GALK2: variants seen among roughly 807,000 people sequenced by gnomAD.
GALK2 encodes the protein galactokinase 2.
GALK2 carries 36 observed loss-of-function variants against 52.4 expected under a neutral mutation model. The ratio of observed to expected loss-of-function variants is 0.69; its 90% CI spans 0.53 to 0.91. The LOEUF is 0.91. Among genes scored for constraint, GALK2 ranks in the 40% least tolerant of loss-of-function variants. GALK2 has a pLI of 0.00. For missense variants in GALK2, 579 were observed against 559.1 expected (o/e 1.04, Z -0.36); for synonymous variants, 176 against 199.1 (o/e 0.88, Z 0.98).
intron 3 of GALK2, among the ~76,000 whole-genome samples, chr15:49,222,823 T>C (rs1400631232): frequency 6.6e-6 from 1 of 152,246 alleles, no homozygotes; most frequent in Non-Finnish European, 1.5e-5. Context: ...TTTACATATA[T>C]GTAAATAGGG....
chr15:49,334,018 C>G (rs1481152311), downstream of GALK2, among the ~76,000 whole-genome samples: 2 of 152,084 alleles, frequency 1.3e-5, no homozygotes, highest in Admixed American at 1.3e-4. Context: ...AGCTTAAGTC[C>G]TATGGCTGGA....
chr15:49,329,131 A>G lies in GALK2; in HGVS notation c.*972A>G. 1.0e-6 allele frequency: 1 copy of G among 991,294 alleles called. No homozygotes were observed. Among genetic ancestry groups the G allele is most frequent in the Non-Finnish European group, 1.2e-6 (1 of 833,308 alleles). 61.4% of individuals were successfully genotyped at this position (991,294 alleles called of 1,614,324 possible). A position where few individuals can be genotyped will look rare whatever the true frequency, so the allele number is the denominator to read the frequency against. On this transcript the variant is annotated 3_prime_UTR_variant, in exon 10 of 10. Coordinates refer to ENST00000560031, the MANE Select transcript of GALK2 (RefSeq NM_002044.4). The stretch of plus-strand genomic sequence containing the variant: ...CTTGTCTAGCAAAGCTTGTTTGTAT[A>G]TATGCACCCCATTGTAAAGCAGGTA...
At chr15:49,159,122 T>C (rs1285419468) in intron 1 of GALK2, among the ~76,000 whole-genome samples, 2 of 152,202 alleles carry the variant, frequency 1.3e-5, no homozygotes, top group African/African-American at 2.4e-5. Context: ...TCTTAAAATA[T>C]ATTCCTAATA....
intron 5 of GALK2, among the ~76,000 whole-genome samples, chr15:49,266,873 A>G (rs1372825072): frequency 1.3e-5 from 2 of 152,102 alleles, no homozygotes; most frequent in African/African-American, 4.8e-5. Flanking sequence ...GTCCCCAGAA[A>G]AGTGTAGAGA....
intron 5 of GALK2, among the ~76,000 whole-genome samples, chr15:49,258,751 TC>T (rs900171134): frequency 3.0e-4 from 46 of 151,472 alleles, no homozygotes; most frequent in African/African-American, 1.1e-3. Context: ...TGTTACTATA[TC>T]CCCAGAAGCA....
intron 1 of GALK2, among the ~76,000 whole-genome samples, chr15:49,157,577 A>G (rs1392472499): frequency 6.6e-6 from 1 of 152,222 alleles, no homozygotes; most frequent in Non-Finnish European, 1.5e-5. Context: ...CTTTCGAAAA[A>G]GTAACATTTC....
intron 1 of GALK2, among the ~76,000 whole-genome samples, chr15:49,190,714 T>C (rs764681682): frequency 6.6e-6 from 1 of 152,208 alleles, no homozygotes; most frequent in Non-Finnish European, 1.5e-5. Flanking sequence ...AGTAGTTGAT[T>C]CTTGGCCAAT....
At chr15:49,229,762 A>G (rs1041484052) in intron 3 of GALK2, among the ~76,000 whole-genome samples, 1 of 151,766 alleles carries the variant, frequency 6.6e-6, no homozygotes, top group African/African-American at 2.4e-5. Context: ...GCTGCGGGGG[A>G]GAGTGGGGTT....
At chr15:49,282,585 G>A (rs1449422857) in intron 6 of GALK2, among the ~76,000 whole-genome samples, 1 of 152,160 alleles carries the variant, frequency 6.6e-6, no homozygotes, top group Non-Finnish European at 1.5e-5. Flanking sequence ...GAAAAAGAAT[G>A]TTGCCAGTAA....
intron 8 of GALK2, among the ~76,000 whole-genome samples, chr15:49,302,900 T>C (rs936472642): frequency 1.3e-4 from 20 of 152,312 alleles, no homozygotes; most frequent in Admixed American, 6.5e-4. Context: ...ATGAGAAAAA[T>C]AATAGACTGT....
chr15:49,195,002 G>T, intron 1 of GALK2: 1 of 392,114 alleles, frequency 2.6e-6, no homozygotes, highest in South Asian at 1.8e-5. Flanking sequence ...TTAACTTTGG[G>T]AGAACTACAT....
upstream of GALK2, among the ~76,000 whole-genome samples, chr15:49,168,207 AC>A (rs149705546): frequency 5.6e-3 from 850 of 152,306 alleles, 6 homozygotes; most frequent in African/African-American, 0.019. Flanking sequence ...CAAGGTCCAA[AC>A]TAATGATTTG....
intron 5 of GALK2, among the ~76,000 whole-genome samples, chr15:49,257,192 A>C (rs371788149): frequency 1.2e-4 from 18 of 152,256 alleles, no homozygotes; most frequent in African/African-American, 4.3e-4. Flanking sequence ...GGTTCCGCCT[A>C]GTTGCTAATA....
At chr15:49,258,334 G>A (rs951564592) in intron 5 of GALK2, among the ~76,000 whole-genome samples, 43 of 152,026 alleles carry the variant, frequency 2.8e-4, no homozygotes, top group African/African-American at 1.0e-3. Context: ...GAGTGGCAGG[G>A]GGTATTAGTA....
intron 8 of GALK2, among the ~76,000 whole-genome samples, chr15:49,318,560 G>A (rs567627675): frequency 6.6e-5 from 10 of 151,924 alleles, no homozygotes; most frequent in African/African-American, 1.4e-4. Context: ...AATGAATATA[G>A]CATAATTTTT....
Position 49,282,011 on chromosome 15 carries a change from A to G in GALK2, c.529A>G (p.Lys177Glu). 1 of 1,613,798 alleles carries G rather than the reference A, an allele frequency of 6.2e-7. No individual in the cohort carries two copies. The highest frequency in any genetic ancestry group is 1.1e-5 in the South Asian group (1 of 91,010). ...GGTGGAACTTGCAGAAATCTGTGCC[A>G]AGAGTGAGCGTTACATTGGCACTGA... ...SKVELAEICA[K>E]SERYIGTEGG... The change falls in exon 6 of 10, where the codon AAG becomes GAG. Residue 177 changes from lysine to glutamate, a missense_variant. Transcript: ENST00000560031.
chr15:49,236,614 A>G (rs1372121526), intron 4 of GALK2, among the ~76,000 whole-genome samples: 1 of 152,262 alleles, frequency 6.6e-6, no homozygotes, highest in East Asian at 1.9e-4. Context: ...AAAAGTATCA[A>G]GGACCAAAAG....
chr15:49,344,449 G>T (rs1451966625), intron 3 of GALK2, among the ~76,000 whole-genome samples: 1 of 152,092 alleles, frequency 6.6e-6, no homozygotes, highest in Non-Finnish European at 1.5e-5. Flanking sequence ...ATATAGCATG[G>T]TACTAACTTT....
chr15:49,218,145 G>T (rs909459204), intron 3 of GALK2, among the ~76,000 whole-genome samples: 20 of 152,136 alleles, frequency 1.3e-4, no homozygotes, highest in African/African-American at 4.6e-4. Flanking sequence ...TAACATTCAT[G>T]TATTCGGAAA....
Sources: allele counts gnomAD v4.1 joint callset (sites outside exome capture counted in the v4.1 genomes callset), GRCh38; gene constraint gnomAD v4.1.1; transcripts MANE v1.5; gene names NCBI Gene and HGNC (gene_info 2026-07-23, HGNC 2026-07-21).